The following BRWD1 variants were observed in gnomAD, a reference collection of about 807,000 sequenced individuals.
BRWD1 encodes bromodomain and WD repeat domain containing 1.
In BRWD1, 82 loss-of-function variants were observed where a neutral mutation model predicts 251.2. The observed-to-expected ratio is 0.33, with a 90% CI of 0.27 to 0.39. BRWD1 has a LOEUF of 0.39. Among genes scored for constraint, BRWD1 ranks in the 10% least tolerant of loss-of-function variants. BRWD1 has a pLI of 1.00. For missense variants in BRWD1, 2,233 were observed against 2,711.6 expected, an observed-to-expected ratio of 0.82 and a Z score of 3.92; for synonymous variants, 918 against 902.8, an observed-to-expected ratio of 1.02 and a Z score of -0.30.
intron 5 of BRWD1, 145 bp downstream of exon 5, chr21:39,298,287 A>G: frequency 1.5e-6 from 2 of 1,329,064 alleles, no homozygotes; most frequent in Non-Finnish European, 1.9e-6. Context: ...TCAATGTTCT[A>G]TGCTAAATGC....
chr21:39,279,058 G>A (rs1382302348), intron 9 of BRWD1, among the ~76,000 whole-genome samples: 1 of 152,110 alleles, frequency 6.6e-6, no homozygotes, highest in East Asian at 1.9e-4. Context: ...ATACCTTATT[G>A]TATATCAAAT....
rs111953988 is a variant in BRWD1 at position 39,237,935 on chromosome 21, G to C, written c.2576+544C>G. Among the ~76,000 whole-genome samples, 26 of 152,032 alleles carry C rather than the reference G, an allele frequency of 1.7e-4. 2 individuals carry two copies. The highest frequency in any genetic ancestry group is 6.3e-4 in the African/African-American group (26 of 41,464). On this transcript the variant is annotated intron_variant, in intron 22 of 40. Coordinates refer to ENST00000342449, the MANE Select transcript of BRWD1 (RefSeq NM_033656.4). ...AGGAAGCAGAGAGTATGTGATAATG[G>C]TTTGAACCAAACAGTACCAATTAAA...
rs763408154 is a variant in BRWD1, at chr21:39,298,442, A to G, written c.339T>C (p.Arg113=). 3 of 1,594,080 alleles carry G rather than the reference A, an allele frequency of 1.9e-6. No homozygotes were observed. The South Asian group carries it at 3.4e-5, about 18-fold the overall frequency. ...TTCAAATTAAGGTACCTTTTGCTGT[A>G]CGTAGCAAAGACTGCCTTCCTGCAC... ...LLGAGRQSLL[R]TAKDCRHTVW... Residue 113 remains arginine (R), a synonymous_variant, in exon 5 of 41, where the codon CGT becomes CGC. Coordinates refer to ENST00000342449, the MANE Select transcript of BRWD1 (RefSeq NM_033656.4).
At chr21:39,216,359 G>GA (rs201324552) in intron 31 of BRWD1, among the ~76,000 whole-genome samples, 5 of 151,206 alleles carry the variant, frequency 3.3e-5, no homozygotes, top group Admixed American at 3.3e-4. Context: ...AACATACAAA[G>GA]AAAAAAAATA....
At position 39,312,871 on chromosome 21, in the gene BRWD1, GC is replaced by G; in HGVS notation, c.167del (p.Gly56AlafsTer86). 1 of 1,569,348 alleles carries G rather than the reference GC, an allele frequency of 6.4e-7. No individual in the cohort carries two copies. Among genetic ancestry groups the G allele is most frequent in the Non-Finnish European group, 8.6e-7 (1 of 1,158,082 alleles). ...QLLPKRLDWE[G>X]NEHNRSYEEL... ...CCTCGTAGCTCCTGTTGTGCTCGTT[GC>G]CCTCCCAGTCCAATCTCTTCGGCAA... On this transcript the variant is annotated frameshift_variant, in exon 4 of 41. Transcript: ENST00000342449. LOFTEE classifies it high-confidence loss of function.
At chr21:39,263,096 C>A (rs889168475) in intron 17 of BRWD1, among the ~76,000 whole-genome samples, 3 of 152,070 alleles carry the variant, frequency 2.0e-5, no homozygotes, top group African/African-American at 4.8e-5. Context: ...ACGAGTAAGA[C>A]CCTGTCTCAA....
At position 39,255,841 on chromosome 21, in the gene BRWD1, G is replaced by C; in HGVS notation, c.2072-13C>G. ...AGCCTTCTAAAACCTAGGAAAATAT[G>C]ATGGGGAAGTGATTCCAATACACTT... is the stretch of plus-strand genomic sequence containing the variant. On this transcript the variant is annotated splice_polypyrimidine_tract_variant and intron_variant, in intron 18 of 40. Transcript: ENST00000342449. 6.2e-7 allele frequency: 1 copy of C among 1,610,508 alleles called. No homozygotes were observed. Among genetic ancestry groups the C allele is most frequent in the Non-Finnish European group, 8.5e-7 (1 of 1,176,770 alleles).
Position 39,228,457 on chromosome 21 carries a change from T to C in BRWD1, c.3208+43A>G, listed in dbSNP as rs770589885. 9 of 1,345,256 alleles carry C rather than the reference T, an allele frequency of 6.7e-6. No individual in the cohort carries two copies. In the South Asian group the frequency reaches 1.1e-4, roughly 16 times the overall value. 83.3% of individuals were successfully genotyped at this position (1,345,256 alleles called of 1,614,324 possible). ...CAAAAAGGTAGACCAATAAAACAGA[T>C]TAATTTTTAAGGGTATATAAAACTT... On this transcript the variant is annotated intron_variant, in intron 27 of 40. Coordinates refer to ENST00000342449, the MANE Select transcript of BRWD1 (RefSeq NM_033656.4).
At chr21:39,269,866 A>T (rs1229918965) in intron 15 of BRWD1, 33 bp downstream of exon 15, 14 of 1,436,246 alleles carry the variant, frequency 9.7e-6, no homozygotes, top group Non-Finnish European at 1.3e-5. Context: ...CAAATTATCA[A>T]GCATGTATCA....
intron 40 of BRWD1, 23 bp downstream of exon 40, chr21:39,198,740 C>A: frequency 6.5e-7 from 1 of 1,534,518 alleles, no homozygotes; most frequent in Admixed American, 2.0e-5. Flanking sequence ...AATCAGTGAA[C>A]AAAGATAAAT....
chr21:39,305,644 C>T (rs1322585077), intron 4 of BRWD1, among the ~76,000 whole-genome samples: 1 of 152,082 alleles, frequency 6.6e-6, no homozygotes, highest in East Asian at 1.9e-4. Flanking sequence ...GTGGGTGGAT[C>T]ACAAGGTCAA....
intron 8 of BRWD1, among the ~76,000 whole-genome samples, chr21:39,288,035 A>T (rs7282724): frequency 1.3e-5 from 2 of 152,048 alleles, no homozygotes; most frequent in Admixed American, 1.3e-4. Flanking sequence ...CTCAAGGCTG[A>T]GAGATGCAGT....
intron 1 of BRWD1, among the ~76,000 whole-genome samples, chr21:39,320,399 A>G (rs1275017796): frequency 1.3e-5 from 2 of 152,070 alleles, no homozygotes; most frequent in African/African-American, 2.4e-5. Context: ...CAGTAGTGCA[A>G]TCACGTCTCA....
At chr21:39,217,028 TATATATAA>T (rs1568877520) in intron 31 of BRWD1, 25 of 20,086 alleles carry the variant, frequency 1.2e-3, no homozygotes, top group African/African-American at 1.6e-3. Flanking sequence ...TATATATATA[TATATATAA>T]ATATATATAT....
At chr21:39,204,602 A>C (rs1035714580) in intron 37 of BRWD1, among the ~76,000 whole-genome samples, 8 of 152,190 alleles carry the variant, frequency 5.3e-5, no homozygotes, top group African/African-American at 1.9e-4. Flanking sequence ...CAAATGCTCA[A>C]AAGACCATAC....
At chr21:39,308,512 C>T (rs1031467779) in intron 4 of BRWD1, among the ~76,000 whole-genome samples, 4 of 144,332 alleles carry the variant, frequency 2.8e-5, no homozygotes, top group African/African-American at 1.0e-4. Flanking sequence ...GCAAAAGTAC[C>T]AAAAATACTC....
In BRWD1 at chr21:39,305,236, T is replaced by C. The variant is rs866789321; in HGVS notation, c.199-6654A>G. 5.3e-5 allele frequency among the ~76,000 whole-genome samples: 8 copies of C among 152,112 alleles called. No homozygotes were observed. In the South Asian group the frequency reaches 6.2e-4, roughly 12 times the overall value. On this transcript the variant is annotated intron_variant, in intron 4 of 40. Transcript: ENST00000342449. Reference sequence around the variant, plus strand: ...GGCCCCCTAAAGTGTTGGGATTACATGCGTGAGCCACCACATCTGGCCGTA... The same window carrying C: ...GGCCCCCTAAAGTGTTGGGATTACACGCGTGAGCCACCACATCTGGCCGTA...
At position 39,189,171 on chromosome 21, in the gene BRWD1, A is replaced by G; in HGVS notation, c.*7088T>C. 14 of 984,832 alleles carry G rather than the reference A, an allele frequency of 1.4e-5. No homozygotes were observed. Among genetic ancestry groups the G allele is most frequent in the Non-Finnish European group, 1.6e-5 (13 of 829,344 alleles). The allele number at this position is 984,832 out of a possible 1,614,324, so 61.0% of individuals were successfully genotyped here. On this transcript the variant is annotated 3_prime_UTR_variant, in exon 41 of 41. Coordinates refer to ENST00000342449, the MANE Select transcript of BRWD1 (RefSeq NM_033656.4). ...GTAAACAAAAATTTTAAAATATGCA[A>G]AATTAAGGTGAAATTTGCACTTTAT...
Position 39,202,333 on chromosome 21 carries a change from G to A in BRWD1, c.4577C>T (p.Thr1526Ile). The A allele has an allele frequency of 6.2e-7, 1 of 1,609,998 alleles. No homozygotes were observed. Among genetic ancestry groups the A allele is most frequent in the Non-Finnish European group, 8.5e-7 (1 of 1,177,052 alleles). ...KRNRPITNGS[T>I]LSESEVEDSL... ...AGTATTTCACTTCTCACCAGATAAT[G>A]TAGAACCATTTGTTATAGGTCTATT... Residue 1526 changes from threonine (T) to isoleucine (I), a missense_variant, in exon 38 of 41, where the codon ACA (threonine) becomes ATA (isoleucine). Coordinates refer to ENST00000342449, the MANE Select transcript of BRWD1 (RefSeq NM_033656.4).
Sources: gnomAD v4.1 joint callset for allele counts (sites outside exome capture counted in the v4.1 genomes callset) on GRCh38, gnomAD v4.1.1 for gene constraint, MANE v1.5 for transcripts, NCBI Gene and HGNC (gene_info 2026-07-23, HGNC 2026-07-21) for gene names.